ATE1: variants seen among roughly 807,000 people sequenced by gnomAD.
ATE1 encodes arginyltransferase 1.
ATE1 carries 36 observed loss-of-function variants against 70.5 expected under a neutral mutation model. The observed-to-expected ratio is 0.51, with a 90% CI of 0.39 to 0.67. The LOEUF (loss-of-function observed/expected upper bound fraction) is 0.67, where lower values mean the gene tolerates loss of function less well. ATE1 is among the 30% of genes least tolerant of loss of function. The probability of loss-of-function intolerance (pLI) is 0.00; values close to 1 mark genes in which losing one functional copy is unlikely to be tolerated. For missense variants in ATE1, 593 were observed against 629.5 expected, an observed-to-expected ratio of 0.94 and a Z score of 0.62; for synonymous variants, 232 against 219.3, an observed-to-expected ratio of 1.06 and a Z score of -0.51.
intron 10 of ATE1, among the ~76,000 whole-genome samples, chr10:121,791,646 TG>T (rs1946458563): frequency 6.6e-6 from 1 of 152,234 alleles, no homozygotes; most frequent in Non-Finnish European, 1.5e-5. Context: ...GTTTTTCAAT[TG>T]TTTTTTACTA....
rs777832444 is a variant in ATE1, at chr10:121,910,895, A to C, written c.583+11T>G. 1.2e-6 allele frequency: 2 copies of C among 1,612,780 alleles called. No individual in the cohort carries two copies. Among genetic ancestry groups the C allele is most frequent in the East Asian group, 2.2e-5 (1 of 44,868 alleles). ...CCGTGAATATGACTTGGTATCAAAA[A>C]TCTTTACTACCTGGCTTAGGAACTG... On this transcript the variant is annotated intron_variant, in intron 5 of 11. Coordinates refer to ENST00000224652, the MANE Select transcript of ATE1 (RefSeq NM_001001976.3).
chr10:121,864,503 T>G (rs1030778491), intron 8 of ATE1, among the ~76,000 whole-genome samples: 11 of 152,358 alleles, frequency 7.2e-5, no homozygotes, highest in Admixed American at 5.2e-4. Flanking sequence ...GGACCCCTGA[T>G]GTATGACCAT....
At position 121,829,145 on chromosome 10, in the gene ATE1, C is replaced by CCAG. The variant is rs1207712977; in HGVS notation, c.1257+7570_1257+7572dup. Among the ~76,000 whole-genome samples, 167 of 152,282 alleles carry CCAG rather than the reference C, an allele frequency of 1.1e-3. 1 individual carries two copies. Among genetic ancestry groups the CCAG allele is most frequent in the East Asian group, 3.9e-4 (2 of 5,174 alleles). On this transcript the variant is annotated intron_variant, in intron 10 of 11. Transcript: ENST00000224652. ...TGGTTGTTAAAAATATTGCTCCTGGCCAGGCATGGTGGCTCACACCTGTAA... is the reference window on the plus strand; with the variant it reads ...TGGTTGTTAAAAATATTGCTCCTGGCCAGCAGGCATGGTGGCTCACACCTGTAA...
intron 10 of ATE1, among the ~76,000 whole-genome samples, chr10:121,826,888 G>A (rs1948041698): frequency 6.6e-6 from 1 of 152,154 alleles, no homozygotes; most frequent in Admixed American, 6.5e-5. Context: ...TTCTATGTTA[G>A]CTCACTTAGG....
At chr10:121,752,496 T>G (rs1221422229) in intron 11 of ATE1, among the ~76,000 whole-genome samples, 1 of 152,070 alleles carries the variant, frequency 6.6e-6, no homozygotes, top group Non-Finnish European at 1.5e-5. Flanking sequence ...CCCAAAGTGC[T>G]GGGATTACAG....
Position 121,789,296 on chromosome 10 carries a change from C to CT in ATE1, c.1378+872dup, listed in dbSNP as rs3036893. 4.0e-4 allele frequency among the ~76,000 whole-genome samples: 37 copies of CT among 92,686 alleles called. 4 individuals carry two copies. The highest frequency in any genetic ancestry group is 2.9e-3 in the East Asian group (9 of 3,140). The allele number at this position is 92,686 out of a possible 152,430, so 60.8% of individuals were successfully genotyped here. On this transcript the variant is annotated intron_variant, in intron 11 of 11. Transcript: ENST00000224652. ...CAGGAAGCCTAACTCCAGGGCTATG[C>CT]TTTTTTTTTTTTTTTTTTTTGAGAC...
intron 11 of ATE1, among the ~76,000 whole-genome samples, chr10:121,751,874 A>G (rs1217471636): frequency 6.6e-6 from 1 of 152,096 alleles, no homozygotes; most frequent in African/African-American, 2.4e-5. Context: ...CTAAGAAAAC[A>G]CTGCCCAGTG....
At chr10:121,918,214 T>C (rs1394535421) in intron 3 of ATE1, among the ~76,000 whole-genome samples, 3 of 151,842 alleles carry the variant, frequency 2.0e-5, no homozygotes, top group Non-Finnish European at 2.9e-5. Flanking sequence ...GCGCCTGTAG[T>C]CCCAGCTACT....
At chr10:121,893,640 T>A (rs1274686819) in intron 7 of ATE1, among the ~76,000 whole-genome samples, 1 of 152,056 alleles carries the variant, frequency 6.6e-6, no homozygotes, top group African/African-American at 2.4e-5. Context: ...GAAGTAACAT[T>A]TTTTTACATC....
intron 6 of ATE1, 148 bp from the exon 7 acceptor site, chr10:121,900,142 T>C (rs1950923745): frequency 2.3e-6 from 2 of 861,000 alleles, no homozygotes; most frequent in Non-Finnish European, 3.4e-6. Context: ...ACCAACCAGT[T>C]AGTAAATAAA....
intron 3 of ATE1, among the ~76,000 whole-genome samples, chr10:121,914,324 C>G (rs1951557402): frequency 6.6e-6 from 1 of 151,932 alleles, no homozygotes; most frequent in South Asian, 2.1e-4. Flanking sequence ...CTCGGCCTCC[C>G]AAAATGCTGG....
intron 8 of ATE1, among the ~76,000 whole-genome samples, chr10:121,859,501 C>T (rs956097961): frequency 1.3e-5 from 2 of 151,982 alleles, no homozygotes; most frequent in African/African-American, 4.8e-5. Context: ...CGTGATCGGC[C>T]CGCCTCGGCC....
At chr10:121,790,811 T>C (rs978843796) in intron 10 of ATE1, among the ~76,000 whole-genome samples, 1 of 152,130 alleles carries the variant, frequency 6.6e-6, no homozygotes, top group Non-Finnish European at 1.5e-5. Flanking sequence ...TATACTTCTA[T>C]AAGCAATCTA....
At chr10:121,759,393 A>G (rs932074406) in intron 11 of ATE1, among the ~76,000 whole-genome samples, 2 of 152,178 alleles carry the variant, frequency 1.3e-5, no homozygotes, top group Admixed American at 6.5e-5. Flanking sequence ...AGATTGATTC[A>G]TGAGGTTTAA....
At chr10:121,764,762 C>A (rs1340759645) in intron 11 of ATE1, among the ~76,000 whole-genome samples, 2 of 152,138 alleles carry the variant, frequency 1.3e-5, no homozygotes, top group African/African-American at 2.4e-5. Flanking sequence ...GAGTGAGGAG[C>A]AGAGATGTGT....
chr10:121,927,384 C>G, intron 1 of ATE1: 1 of 984,470 alleles, frequency 1.0e-6, no homozygotes, highest in Non-Finnish European at 1.2e-6. Flanking sequence ...CTCATCCTTC[C>G]TGTACATTCG....
intron 5 of ATE1, among the ~76,000 whole-genome samples, chr10:121,908,211 T>C (rs898414991): frequency 3.3e-5 from 5 of 152,178 alleles, no homozygotes; most frequent in Non-Finnish European, 7.4e-5. Context: ...GAATCAAGAA[T>C]GTATCCTACC....
At chr10:121,881,980 G>A (rs1950240336) in intron 7 of ATE1, among the ~76,000 whole-genome samples, 1 of 152,068 alleles carries the variant, frequency 6.6e-6, no homozygotes. Context: ...TATTTTAGTA[G>A]AGATGGGGTT....
At chr10:121,927,316 A>G in intron 1 of ATE1, 2 of 981,858 alleles carry the variant, frequency 2.0e-6, no homozygotes, top group Non-Finnish European at 2.4e-6. Context: ...CGCGGTCACC[A>G]GTTTCTTGTC....
Sources: gnomAD v4.1 joint callset for allele counts (sites outside exome capture counted in the v4.1 genomes callset) on GRCh38, gnomAD v4.1.1 for gene constraint, MANE v1.5 for transcripts, NCBI Gene and HGNC (gene_info 2026-07-23, HGNC 2026-07-21) for gene names.